MYO9A: variants seen among roughly 807,000 people sequenced by gnomAD.
MYO9A encodes the protein myosin IXA, also known as unconventional myosin-IXa.
In MYO9A, 103 loss-of-function variants were observed where a neutral mutation model predicts 293.3. The observed-to-expected ratio is 0.35, with a 90% CI of 0.30 to 0.41. The LOEUF (loss-of-function observed/expected upper bound fraction) is 0.41, where lower values mean the gene tolerates loss of function less well. MYO9A is among the 10% of genes least tolerant of loss of function. The probability of loss-of-function intolerance (pLI) is 1.00; values close to 1 mark genes in which losing one functional copy is unlikely to be tolerated. For synonymous variants in MYO9A, 1,001 were observed against 1,035.7 expected (o/e 0.97, Z 0.64); for missense variants, 2,685 against 3,033.0 (o/e 0.89, Z 2.69).
At chr15:72,086,289 G>A (rs375555694) in intron 1 of MYO9A, among the ~76,000 whole-genome samples, 1 of 152,176 alleles carries the variant, frequency 6.6e-6, no homozygotes, top group African/African-American at 2.4e-5. Flanking sequence ...GTGTTAGCCG[G>A]GTAGTGCTGG....
intron 2 of MYO9A, among the ~76,000 whole-genome samples, chr15:72,034,357 A>G (rs2077975747): frequency 6.6e-6 from 1 of 152,216 alleles, no homozygotes. Context: ...ATGCATTTAC[A>G]TTTCTGAGAA....
At chr15:72,117,415 G>A (rs970834652) in intron 1 of MYO9A, among the ~76,000 whole-genome samples, 2 of 152,160 alleles carry the variant, frequency 1.3e-5, no homozygotes, top group African/African-American at 4.8e-5. Flanking sequence ...GGGTACTAAT[G>A]GGGTCTGCTG....
intron 1 of MYO9A, among the ~76,000 whole-genome samples, chr15:72,077,628 G>GGGTGGTGGCGGGGTGACGGCAA (rs904889977): frequency 6.6e-6 from 1 of 151,472 alleles, no homozygotes; most frequent in Non-Finnish European, 1.5e-5. Context: ...GGTGACGGCA[G>GGGTGGTGGCGGGGTGACGGCAA]GGTGGTGGCA....
chr15:72,099,909 CAA>C (rs34892673), intron 1 of MYO9A, among the ~76,000 whole-genome samples: 3 of 39,816 alleles, frequency 7.5e-5, no homozygotes, highest in African/African-American at 1.3e-4. Context: ...GACTTGGTCT[CAA>C]AAAAAAAAAA....
chr15:71,926,889 C>A (rs991253751), intron 18 of MYO9A, among the ~76,000 whole-genome samples: 1 of 152,194 alleles, frequency 6.6e-6, no homozygotes, highest in Admixed American at 6.5e-5. Flanking sequence ...TGGATACACA[C>A]CAGTCCACTG....
At chr15:71,893,590 G>A in intron 26 of MYO9A, 89 bp downstream of exon 26, 1 of 972,164 alleles carries the variant, frequency 1.0e-6, no homozygotes, top group Non-Finnish European at 1.6e-6. Context: ...ATGGGTAGAT[G>A]AGGTGCTCTA....
In MYO9A at chr15:71,992,983, ATAAC is replaced by A. The variant is rs1303868527; in HGVS notation, c.1587+1482_1587+1485del. On this transcript the variant is annotated intron_variant, in intron 10 of 41. Transcript: ENST00000356056. ...TGGTATAAATAAATCTAAAAAGTAA[ATAAC>A]TAAGAGAGAAAATAATTGCAATATA... Among the ~76,000 whole-genome samples, 13 of 152,246 alleles carry A rather than the reference ATAAC, an allele frequency of 8.5e-5. No individual in the cohort carries two copies. In the East Asian group the frequency reaches 1.7e-3, roughly 20 times the overall value.
chr15:71,883,445 A>G, intron 28 of MYO9A, 149 bp downstream of exon 28: 1 of 763,634 alleles, frequency 1.3e-6, no homozygotes, highest in Non-Finnish European at 1.9e-6. Context: ...TTTATTTTTT[A>G]GTTAAGGAAG....
chr15:72,118,186 C>G, upstream of MYO9A: 1 of 361,306 alleles, frequency 2.8e-6, no homozygotes, highest in Admixed American at 4.7e-5. Context: ...CAGCACGGGT[C>G]GGCCCCGCCC....
intron 20 of MYO9A, 134 bp from the exon 21 acceptor site, chr15:71,904,173 T>C (rs1002056241): frequency 8.7e-6 from 6 of 686,700 alleles, no homozygotes; most frequent in Non-Finnish European, 1.5e-5. Flanking sequence ...AGTAACTAAG[T>C]ATATTAAGGC....
intron 1 of MYO9A, among the ~76,000 whole-genome samples, chr15:72,064,069 A>C (rs929673712): frequency 6.6e-6 from 1 of 152,222 alleles, no homozygotes; most frequent in Non-Finnish European, 1.5e-5. Flanking sequence ...CAAAAAGACA[A>C]ACTTTGCATT....
At chr15:72,066,107 G>A (rs1306190922) in intron 1 of MYO9A, among the ~76,000 whole-genome samples, 2 of 152,212 alleles carry the variant, frequency 1.3e-5, no homozygotes, top group African/African-American at 2.4e-5. Context: ...GATACACACA[G>A]CAGAGCTGTC....
intron 3 of MYO9A, among the ~76,000 whole-genome samples, chr15:72,029,746 C>T (rs184288575): frequency 6.6e-6 from 1 of 152,284 alleles, no homozygotes; most frequent in Admixed American, 6.5e-5. Context: ...CCAGACTGTG[C>T]CCTCCAAGTC....
intron 13 of MYO9A, among the ~76,000 whole-genome samples, chr15:71,964,567 G>A (rs1470686734): frequency 6.7e-6 from 1 of 150,324 alleles, no homozygotes; most frequent in Non-Finnish European, 1.5e-5. Flanking sequence ...GGATCACGAG[G>A]TGAAGAAATT....
chr15:71,963,338 G>A (rs1053489593), intron 13 of MYO9A, among the ~76,000 whole-genome samples: 1 of 152,144 alleles, frequency 6.6e-6, no homozygotes. Context: ...ACCCACCTCG[G>A]CCTCCCAAAG....
intron 33 of MYO9A, among the ~76,000 whole-genome samples, chr15:71,860,969 C>CAAAAAAAAA (rs61030744): frequency 4.3e-4 from 14 of 32,418 alleles, no homozygotes; most frequent in African/African-American, 1.3e-3. Context: ...TCCATCTCAC[C>CAAAAAAAAA]AAAAAAAAAA....
At chr15:71,854,699 A>C in intron 34 of MYO9A, 130 bp from the exon 35 acceptor site, 1 of 622,540 alleles carries the variant, frequency 1.6e-6, no homozygotes, top group Non-Finnish European at 2.6e-6. Flanking sequence ...GAGTTGGGAG[A>C]AAGGGAATTA....
intron 2 of MYO9A, among the ~76,000 whole-genome samples, chr15:72,042,076 C>A (rs2078243745): frequency 6.9e-6 from 1 of 145,752 alleles, no homozygotes; most frequent in Non-Finnish European, 1.5e-5. Flanking sequence ...AAAGACTTCC[C>A]AATTCATCCT....
rs112710657 is a variant in MYO9A, at chr15:71,926,584, A to T, written c.2562+7086T>A. ...TAGCCGGGCATGGTGGTACATGCCT[A>T]TATTTCCAGCTACTTGGGAGGCTAA... On this transcript the variant is annotated intron_variant, in intron 18 of 41. Coordinates refer to ENST00000356056, the MANE Select transcript of MYO9A (RefSeq NM_006901.4). 1.5e-3 allele frequency among the ~76,000 whole-genome samples: 222 copies of T among 152,226 alleles called. 1 individual carries two copies. The highest frequency in any genetic ancestry group is 4.5e-3 in the African/African-American group (189 of 41,558).
Sources: gnomAD v4.1 joint callset for allele counts (sites outside exome capture counted in the v4.1 genomes callset) on GRCh38, gnomAD v4.1.1 for gene constraint, MANE v1.5 for transcripts, NCBI Gene and HGNC (gene_info 2026-07-23, HGNC 2026-07-21) for gene names.